The following KLHL6 variants were observed in gnomAD, a reference collection of about 807,000 sequenced individuals.
KLHL6 encodes the protein kelch-like protein 6.
In KLHL6, 41 loss-of-function variants were observed where a neutral mutation model predicts 58.6. That is an observed-to-expected ratio of 0.70 (90% CI 0.55 to 0.91). The LOEUF is 0.91. Among genes scored for constraint, KLHL6 ranks in the 40% least tolerant of loss-of-function variants. The probability of loss-of-function intolerance (pLI) is 0.00; values close to 1 mark genes in which losing one functional copy is unlikely to be tolerated. For synonymous variants in KLHL6, 338 were observed against 322.7 expected (o/e 1.05, Z -0.51); for missense variants, 714 against 805.6 (o/e 0.89, Z 1.38).
chr3:183,493,656 A>G (rs1411475424), intron 5 of KLHL6: 3 of 175,258 alleles, frequency 1.7e-5, no homozygotes, highest in African/African-American at 7.2e-5. Flanking sequence ...GATGATTTCT[A>G]ACATGACCAA....
rs539095568 is a variant in KLHL6 at position 183,530,477 on chromosome 3, C to T, written c.294-2467G>A. The stretch of plus-strand genomic sequence containing the variant: ...GAAATTGGATATTTAGCTGCGGATA[C>T]GTCTGAGCAAAGCATGGAAGAAGCA... On this transcript the variant is annotated intron_variant, in intron 1 of 6. Transcript: ENST00000341319. 5.3e-5 allele frequency among the ~76,000 whole-genome samples: 8 copies of T among 152,210 alleles called. No homozygotes were observed. In the East Asian group the frequency reaches 1.4e-3, roughly 26 times the overall value.
intron 3 of KLHL6, among the ~76,000 whole-genome samples, chr3:183,501,093 G>A (rs1305264075): frequency 6.6e-6 from 1 of 152,204 alleles, no homozygotes; most frequent in Non-Finnish European, 1.5e-5. Flanking sequence ...TGGCAGGGCT[G>A]TTCCTTACAG....
chr3:183,541,448 G>A (rs1363922270), intron 1 of KLHL6, among the ~76,000 whole-genome samples: 2 of 152,236 alleles, frequency 1.3e-5, no homozygotes, highest in East Asian at 1.9e-4. Flanking sequence ...AAAATCCAGC[G>A]CCCCCTACAC....
At chr3:183,496,928 A>G (rs1717727252) in intron 4 of KLHL6, among the ~76,000 whole-genome samples, 1 of 152,226 alleles carries the variant, frequency 6.6e-6, no homozygotes, top group South Asian at 2.1e-4. Flanking sequence ...ACCTGAGATC[A>G]GGAGTTCAAG....
intron 1 of KLHL6, among the ~76,000 whole-genome samples, chr3:183,544,163 C>CAAAAAAAAAAA (rs56357226): frequency 1.8e-5 from 1 of 57,008 alleles, no homozygotes; most frequent in African/African-American, 6.0e-5. Flanking sequence ...AACTCAGTCT[C>CAAAAAAAAAAA]AAAAAAAAAA....
chr3:183,496,360 A>G (rs1717714051), intron 4 of KLHL6, among the ~76,000 whole-genome samples: 1 of 152,360 alleles, frequency 6.6e-6, no homozygotes, highest in South Asian at 2.1e-4. Flanking sequence ...GCAAGGATAT[A>G]GAAAATGAGC....
At chr3:183,494,696 A>C (rs531562386) in intron 4 of KLHL6, among the ~76,000 whole-genome samples, 2 of 152,342 alleles carry the variant, frequency 1.3e-5, no homozygotes, top group Admixed American at 1.3e-4. Flanking sequence ...AAGGCAAATT[A>C]CATGGCAGCT....
chr3:183,540,527 C>G (rs1029576713), intron 1 of KLHL6, among the ~76,000 whole-genome samples: 5 of 152,064 alleles, frequency 3.3e-5, no homozygotes, highest in African/African-American at 1.2e-4. Flanking sequence ...GAAATCCCAG[C>G]GATTCTCTGA....
chr3:183,552,589 G>A (rs906388423), intron 1 of KLHL6, among the ~76,000 whole-genome samples: 1 of 151,884 alleles, frequency 6.6e-6, no homozygotes, highest in African/African-American at 2.4e-5. Flanking sequence ...GTGGTGGCAG[G>A]TGCCTGTAGT....
chr3:183,530,031 A>G (rs912640739), intron 1 of KLHL6, among the ~76,000 whole-genome samples: 3 of 152,154 alleles, frequency 2.0e-5, no homozygotes, highest in African/African-American at 7.2e-5. Flanking sequence ...GAACCCACCC[A>G]TGCTAGCACT....
At chr3:183,543,872 C>T (rs956238983) in intron 1 of KLHL6, among the ~76,000 whole-genome samples, 2 of 151,998 alleles carry the variant, frequency 1.3e-5, no homozygotes, top group Non-Finnish European at 2.9e-5. Context: ...GTTTTAAAGC[C>T]GTAGCACCAG....
intron 1 of KLHL6, among the ~76,000 whole-genome samples, chr3:183,541,158 A>T (rs1712539997): frequency 6.6e-6 from 1 of 152,194 alleles, no homozygotes. Flanking sequence ...CAAGGTATTC[A>T]AATGCTAAGG....
chr3:183,555,088 C>A (rs983463395), intron 1 of KLHL6, among the ~76,000 whole-genome samples: 1 of 151,984 alleles, frequency 6.6e-6, no homozygotes, highest in African/African-American at 2.4e-5. Flanking sequence ...TCGCTTGAAC[C>A]CAGGAGGCAG....
intron 4 of KLHL6, among the ~76,000 whole-genome samples, chr3:183,495,355 G>A (rs1348562287): frequency 1.3e-5 from 2 of 152,106 alleles, no homozygotes; most frequent in East Asian, 1.9e-4. Context: ...AAAAAACTAT[G>A]TCAGTTTGGT....
intron 1 of KLHL6, 129 bp downstream of exon 1, chr3:183,555,232 A>C: frequency 1.7e-6 from 1 of 602,730 alleles, no homozygotes; most frequent in Non-Finnish European, 2.9e-6. Flanking sequence ...TTTTAAGTAG[A>C]CACACAAGCC....
chr3:183,522,107 C>T (rs1376984346), intron 2 of KLHL6, among the ~76,000 whole-genome samples: 1 of 151,440 alleles, frequency 6.6e-6, no homozygotes, highest in East Asian at 2.0e-4. Flanking sequence ...AGGTGGATCA[C>T]CTGAGGTCAG....
intron 2 of KLHL6, among the ~76,000 whole-genome samples, chr3:183,519,909 A>C (rs1350452899): frequency 6.6e-6 from 1 of 150,908 alleles, no homozygotes; most frequent in Non-Finnish European, 1.5e-5. Context: ...AAAAAAAAAA[A>C]AAAAAAAACA....
intron 3 of KLHL6, 130 bp downstream of exon 3, chr3:183,507,928 CA>C: frequency 1.3e-6 from 1 of 748,620 alleles, no homozygotes. Flanking sequence ...ACCGACTCAG[CA>C]ATGAACAGGG....
In KLHL6 at chr3:183,499,239, G is replaced by A. The variant is rs938760025; in HGVS notation, c.1147+351C>T. Reference sequence around the variant, plus strand: ...CACCTGATTGTAATCCCAGCTACTCGGGAGGGTGAGGCAGGAGGGTCACTT... The same window carrying A: ...CACCTGATTGTAATCCCAGCTACTCAGGAGGGTGAGGCAGGAGGGTCACTT... On this transcript the variant is annotated intron_variant, in intron 4 of 6. Transcript: ENST00000341319. The surrounding 1 kb of genome is among the most constrained non-coding windows in gnomAD (Gnocchi z 4.6). Among the ~76,000 whole-genome samples, 3 of 152,208 alleles carry A rather than the reference G, an allele frequency of 2.0e-5. No individual in the cohort carries two copies. The highest frequency in any genetic ancestry group is 3.4e-3 in the Middle Eastern group (1 of 294).
Sources: gnomAD v4.1 joint callset for allele counts (sites outside exome capture counted in the v4.1 genomes callset) on GRCh38, gnomAD v4.1.1 for gene constraint, Gnocchi (gnomAD v3.1) non-coding constraint, MANE v1.5 for transcripts, NCBI Gene and HGNC (gene_info 2026-07-23, HGNC 2026-07-21) for gene names.